FAM13A: variants seen among roughly 807,000 people sequenced by gnomAD.
FAM13A encodes protein FAM13A.
A neutral mutation model predicts 129.6 loss-of-function variants in FAM13A; 76 were observed. The observed-to-expected ratio is 0.59, with a 90% CI of 0.49 to 0.71. The LOEUF is 0.71. Ranked by LOEUF, FAM13A falls within the 30% of genes least tolerant of loss-of-function variation. The pLI is 0.00. For missense variants in FAM13A, 1,108 were observed against 1,249.3 expected (o/e 0.89, Z 1.70); for synonymous variants, 443 against 449.9 (o/e 0.98, Z 0.20).
At chr4:88,895,573 G>GA (rs1452668239) in intron 6 of FAM13A, among the ~76,000 whole-genome samples, 2 of 148,452 alleles carry the variant, frequency 1.3e-5, no homozygotes, top group South Asian at 2.2e-4. Context: ...AAATTTACAA[G>GA]AAAAAAACAA....
At chr4:88,817,725 A>G (rs775454779) in intron 7 of FAM13A, among the ~76,000 whole-genome samples, 5 of 152,206 alleles carry the variant, frequency 3.3e-5, no homozygotes, top group African/African-American at 4.8e-5. Flanking sequence ...GAGAGTTTCA[A>G]GAAATTTGGT....
intron 11 of FAM13A, among the ~76,000 whole-genome samples, chr4:88,776,334 C>T (rs969347704): frequency 6.6e-6 from 1 of 152,038 alleles, no homozygotes; most frequent in Admixed American, 6.6e-5. Flanking sequence ...CAGTGGAATC[C>T]CAGCTCCACC....
rs764830215 is a variant in FAM13A, at chr4:88,749,023, C to T, written c.2090G>A (p.Ser697Asn). ...EEEKKYRPSH[S>N]DKAANPEVLK... ...AACCTCCGGATTGGCTGCTTTGTCA[C>T]TGTGGGAAGGCTGAGAAAAGGAAGT... is the stretch of plus-strand genomic sequence containing the variant. The change falls in exon 17 of 24, where the codon AGT becomes AAT. Residue 697 changes from serine to asparagine, a missense_variant. By Grantham distance (46) the Ser-to-Asn change is conservative (BLOSUM62 1). Transcript: ENST00000264344. 6.8e-6 allele frequency: 11 copies of T among 1,613,190 alleles called. No individual in the cohort carries two copies. The South Asian group carries it at 1.2e-4, about 18-fold the overall frequency.
chr4:88,835,214 C>G (rs1219862499), intron 7 of FAM13A, among the ~76,000 whole-genome samples: 2 of 152,156 alleles, frequency 1.3e-5, no homozygotes, highest in Non-Finnish European at 2.9e-5. Context: ...TTTCCCATCA[C>G]TAGTTTTTGT....
At chr4:88,731,971 A>C in intron 22 of FAM13A, 31 bp downstream of exon 22, 1 of 1,556,014 alleles carries the variant, frequency 6.4e-7, no homozygotes, top group African/African-American at 1.4e-5. Context: ...TTTTACCAAA[A>C]CATTTCACCA....
At chr4:88,879,503 AG>A (rs1026949115) in intron 6 of FAM13A, among the ~76,000 whole-genome samples, 4 of 152,100 alleles carry the variant, frequency 2.6e-5, no homozygotes, top group African/African-American at 9.6e-5. Context: ...AAAAAGAAGA[AG>A]GAAAATATGG....
At chr4:89,050,892 C>T (rs1412924803) in intron 1 of FAM13A, among the ~76,000 whole-genome samples, 2 of 152,032 alleles carry the variant, frequency 1.3e-5, no homozygotes, top group African/African-American at 4.8e-5. Flanking sequence ...AATACTACTG[C>T]TCTCCAGCCT....
intron 11 of FAM13A, among the ~76,000 whole-genome samples, chr4:88,776,271 T>C (rs1721694241): frequency 1.3e-5 from 2 of 152,200 alleles, no homozygotes; most frequent in African/African-American, 4.8e-5. Flanking sequence ...TACATACATA[T>C]GCATGCACTG....
chr4:88,845,682 T>C (rs562068700), intron 7 of FAM13A, among the ~76,000 whole-genome samples: 26 of 152,230 alleles, frequency 1.7e-4, no homozygotes, highest in African/African-American at 4.8e-4. Flanking sequence ...AAACCTGTAA[T>C]AGCAGTTACC....
chr4:88,993,042 G>C (rs1763108446), intron 3 of FAM13A, among the ~76,000 whole-genome samples: 1 of 152,190 alleles, frequency 6.6e-6, no homozygotes, highest in Non-Finnish European at 1.5e-5. Context: ...ATCAGACACA[G>C]TGACATTGAG....
intron 20 of FAM13A, 115 bp from the exon 21 acceptor site, chr4:88,737,670 C>T: frequency 1.2e-6 from 1 of 806,080 alleles, no homozygotes; most frequent in South Asian, 1.5e-5. Flanking sequence ...GCATTCTTAT[C>T]CCTCCCTGCC....
chr4:88,920,941 A>G (rs1750967042), intron 5 of FAM13A, among the ~76,000 whole-genome samples: 1 of 152,164 alleles, frequency 6.6e-6, no homozygotes, highest in South Asian at 2.1e-4. Flanking sequence ...AACTGGAAGA[A>G]AGGGTATCAG....
chr4:88,944,227 C>T (rs1755254958), intron 4 of FAM13A, among the ~76,000 whole-genome samples: 1 of 152,120 alleles, frequency 6.6e-6, no homozygotes, highest in South Asian at 2.1e-4. Flanking sequence ...TGGCATGCGC[C>T]TATGGTTCCA....
intron 5 of FAM13A, among the ~76,000 whole-genome samples, chr4:88,927,873 C>A (rs564170583): frequency 3.0e-4 from 46 of 151,962 alleles, no homozygotes; most frequent in African/African-American, 1.1e-3. Flanking sequence ...CTATTCTGAT[C>A]TTTGTTATTT....
intron 8 of FAM13A, among the ~76,000 whole-genome samples, chr4:88,800,330 A>AAAAACC (rs1258371125): frequency 6.6e-6 from 1 of 152,212 alleles, no homozygotes; most frequent in African/African-American, 2.4e-5. Flanking sequence ...ACCATAATAC[A>AAAAACC]AAAACCAAAA....
At chr4:88,971,655 C>T (rs1579562164) in intron 4 of FAM13A, among the ~76,000 whole-genome samples, 1 of 152,166 alleles carries the variant, frequency 6.6e-6, no homozygotes, top group East Asian at 1.9e-4. Flanking sequence ...TATAAGAACA[C>T]ACCACCACAC....
intron 6 of FAM13A, chr4:88,855,562 AT>A (rs1738345473): frequency 6.6e-6 from 1 of 152,180 alleles, no homozygotes; most frequent in Non-Finnish European, 1.5e-5. Context: ...AAGGAGGTAG[AT>A]ATATACCTCC....
chr4:89,012,101 C>G (rs1028132802), intron 3 of FAM13A, among the ~76,000 whole-genome samples: 13 of 152,160 alleles, frequency 8.5e-5, no homozygotes, highest in African/African-American at 3.1e-4. Context: ...GAATTTTCCA[C>G]AGGAAACAGT....
intron 4 of FAM13A, among the ~76,000 whole-genome samples, chr4:88,965,122 T>C (rs957792874): frequency 3.9e-5 from 6 of 152,196 alleles, no homozygotes; most frequent in South Asian, 2.1e-4. Flanking sequence ...TTACCAAATA[T>C]GATAAATGGT....
Sources: gnomAD v4.1 joint callset for allele counts (sites outside exome capture counted in the v4.1 genomes callset) on GRCh38, gnomAD v4.1.1 for gene constraint, MANE v1.5 for transcripts, NCBI Gene and HGNC (gene_info 2026-07-23, HGNC 2026-07-21) for gene names.